Variants in ZNF131 observed in about 807,000 individuals in gnomAD.
The protein encoded by ZNF131 is zinc finger protein 131.
A neutral mutation model predicts 60.0 loss-of-function variants in ZNF131; 7 were observed. That is an observed-to-expected ratio of 0.12 (90% confidence interval 0.07 to 0.22). The LOEUF is 0.22. Among genes scored for constraint, ZNF131 ranks in the 10% least tolerant of loss-of-function variants. The probability of loss-of-function intolerance (pLI) is 1.00; values close to 1 mark genes in which losing one functional copy is unlikely to be tolerated. For synonymous variants in ZNF131, 257 were observed against 253.2 expected, an observed-to-expected ratio of 1.01 and a Z score of -0.14; for missense variants, 493 against 740.9, an observed-to-expected ratio of 0.67 and a Z score of 3.88.
rs376143091 is a variant in ZNF131 at position 43,169,981 on chromosome 5, G to A, written c.1055-3337G>A. Among the ~76,000 whole-genome samples, 199 of 151,984 alleles carry A rather than the reference G, an allele frequency of 1.3e-3. 4 individuals are homozygous for A. The South Asian group carries it at 0.039, about 30-fold the overall frequency. Reference sequence around the variant, plus strand: ...AATTTTTTGTATTTTTAGTAGAGACGGGGTTTCACTATGTTGGCCAGGCTG... The same window carrying A: ...AATTTTTTGTATTTTTAGTAGAGACAGGGTTTCACTATGTTGGCCAGGCTG... On this transcript the variant is annotated intron_variant, in intron 5 of 6. Transcript: ENST00000682664.
At chr5:43,146,616 CTG>C (rs562093762) in intron 4 of ZNF131, among the ~76,000 whole-genome samples, 5 of 151,414 alleles carry the variant, frequency 3.3e-5, no homozygotes, top group Non-Finnish European at 7.4e-5. Context: ...CAACAAAAAA[CTG>C]TGTATGAGTC....
At chr5:43,127,963 C>T (rs541661203) in intron 3 of ZNF131, among the ~76,000 whole-genome samples, 4 of 152,210 alleles carry the variant, frequency 2.6e-5, no homozygotes, top group African/African-American at 9.6e-5. Flanking sequence ...CCCCTACTAT[C>T]AAGAACAAAA....
intron 4 of ZNF131, among the ~76,000 whole-genome samples, chr5:43,148,565 G>C (rs1028106144): frequency 6.6e-6 from 1 of 152,166 alleles, no homozygotes; most frequent in Non-Finnish European, 1.5e-5. Flanking sequence ...CAATTACTCA[G>C]ATCTGCTGTT....
intron 5 of ZNF131, among the ~76,000 whole-genome samples, chr5:43,166,298 G>A (rs1750337260): frequency 6.6e-6 from 1 of 151,980 alleles, no homozygotes; most frequent in Admixed American, 6.6e-5. Context: ...CTCGACTTTT[G>A]ATATGCCTTG....
intron 4 of ZNF131, among the ~76,000 whole-genome samples, chr5:43,155,330 T>C (rs1748823931): frequency 6.6e-6 from 1 of 152,158 alleles, no homozygotes; most frequent in South Asian, 2.1e-4. Context: ...TCAGGGCCTG[T>C]ATGGGTAGTT....
chr5:43,168,218 G>A (rs1014265244), intron 5 of ZNF131, among the ~76,000 whole-genome samples: 1 of 152,182 alleles, frequency 6.6e-6, no homozygotes, highest in Admixed American at 6.5e-5. Context: ...TGGGGTTTCG[G>A]TATTAACCTG....
At chr5:43,163,266 C>G (rs1749971864) in intron 5 of ZNF131, among the ~76,000 whole-genome samples, 1 of 152,118 alleles carries the variant, frequency 6.6e-6, no homozygotes, top group Non-Finnish European at 1.5e-5. Flanking sequence ...GCATGAGCCA[C>G]CACATCCGGC....
At chr5:43,153,265 C>T (rs1289730897) in intron 4 of ZNF131, among the ~76,000 whole-genome samples, 1 of 152,088 alleles carries the variant, frequency 6.6e-6, no homozygotes, top group Non-Finnish European at 1.5e-5. Context: ...TTTGGCCAGG[C>T]TGTCACCTTT....
intron 4 of ZNF131, chr5:43,143,539 C>T: frequency 1.7e-6 from 1 of 577,674 alleles, no homozygotes; most frequent in Non-Finnish European, 2.7e-6. Context: ...ATTGTTGTTA[C>T]TGGTTTAGTG....
intron 5 of ZNF131, 55 bp from the exon 6 acceptor site, chr5:43,173,263 T>C: frequency 1.4e-6 from 2 of 1,451,102 alleles, no homozygotes; most frequent in Non-Finnish European, 1.8e-6. Context: ...TTTAAAATTA[T>C]TTGCTCTTAG....
At chr5:43,135,314 A>G (rs1407329119) in intron 3 of ZNF131, among the ~76,000 whole-genome samples, 1 of 150,522 alleles carries the variant, frequency 6.6e-6, no homozygotes, top group Non-Finnish European at 1.5e-5. Context: ...ATTTTTATAC[A>G]CTAACAATGA....
chr5:43,173,554 G>T (rs1266077311), intron 6 of ZNF131, 106 bp downstream of exon 6: 1 of 1,352,286 alleles, frequency 7.4e-7, no homozygotes, highest in African/African-American at 1.4e-5. Flanking sequence ...GGGGCTGACG[G>T]TTTGGAAAGA....
chr5:43,121,871 T>C, intron 1 of ZNF131, 168 bp from the exon 2 acceptor site: 1 of 703,510 alleles, frequency 1.4e-6, no homozygotes, highest in South Asian at 2.1e-5. Context: ...GTCTCAACGC[T>C]CCGGGGCCGC....
At chr5:43,123,082 A>G in intron 2 of ZNF131, 127 bp from the exon 3 acceptor site, 1 of 643,694 alleles carries the variant, frequency 1.6e-6, no homozygotes, top group East Asian at 2.8e-5. Flanking sequence ...TTAGTTCAAT[A>G]ATTTCTGTAG....
rs539849622 is a variant in ZNF131 at position 43,171,923 on chromosome 5, C to T, written c.1055-1395C>T. On this transcript the variant is annotated intron_variant, in intron 5 of 6. Coordinates refer to ENST00000682664, the MANE Select transcript of ZNF131 (RefSeq NM_001330707.2). ...GTGTGAGCCACCGCCCCGGGCCAGC[C>T]GTTTTATTTTTAAATAGAGATGGGG... is the stretch of plus-strand genomic sequence containing the variant. Among the ~76,000 whole-genome samples, 8 of 152,104 alleles carry T rather than the reference C, an allele frequency of 5.3e-5. No homozygotes were observed. In the East Asian group the frequency reaches 7.8e-4, roughly 15 times the overall value.
intron 5 of ZNF131, among the ~76,000 whole-genome samples, chr5:43,164,929 AGTT>A (rs1473862283): frequency 1.3e-5 from 2 of 151,764 alleles, no homozygotes; most frequent in East Asian, 1.9e-4. Context: ...GTTCCAAGAT[AGTT>A]GTTGTTCTCT....
rs549130838 is a variant in ZNF131, at chr5:43,150,904, G to A, written c.372-10345G>A. ...CAGGATTTGGGCACCCTGCCGTGTT[G>A]ACCTTAATCATGCACCCACCACACT... On this transcript the variant is annotated intron_variant, in intron 4 of 6. Transcript: ENST00000682664. 2.8e-4 allele frequency among the ~76,000 whole-genome samples: 43 copies of A among 152,302 alleles called. No homozygotes were observed. In the South Asian group the frequency reaches 8.7e-3, roughly 31 times the overall value.
chr5:43,145,341 A>C (rs550440622), intron 4 of ZNF131, among the ~76,000 whole-genome samples: 94 of 152,278 alleles, frequency 6.2e-4, no homozygotes, highest in Middle Eastern at 3.4e-3. Flanking sequence ...TAAGACAAGC[A>C]TAAGAAAACT....
At chr5:43,163,659 C>G (rs1750022760) in intron 5 of ZNF131, among the ~76,000 whole-genome samples, 1 of 152,240 alleles carries the variant, frequency 6.6e-6, no homozygotes, top group South Asian at 2.1e-4. Context: ...CCTAAACCTA[C>G]TATTACAAGG....
Sources: allele counts gnomAD v4.1 joint callset (sites outside exome capture counted in the v4.1 genomes callset), GRCh38; gene constraint gnomAD v4.1.1; transcripts MANE v1.5; gene names NCBI Gene and HGNC (gene_info 2026-07-23, HGNC 2026-07-21).